The following TMEM132D variants were observed in gnomAD, a reference collection of about 807,000 sequenced individuals.
TMEM132D encodes the protein transmembrane protein 132D.
TMEM132D carries 21 observed loss-of-function variants against 62.3 expected under a neutral mutation model. That is an observed-to-expected ratio of 0.34 (90% CI 0.24 to 0.49). The LOEUF (loss-of-function observed/expected upper bound fraction) is 0.49, where lower values mean the gene tolerates loss of function less well. TMEM132D is among the 20% of genes least tolerant of loss of function. The pLI, the probability that TMEM132D is intolerant of heterozygous loss-of-function variation, is 0.99. For synonymous variants in TMEM132D, 621 were observed against 575.6 expected (o/e 1.08, Z -1.13); for missense variants, 1,346 against 1,402.8 (o/e 0.96, Z 0.65).
At chr12:129,585,481 T>C (rs1877999221) in intron 2 of TMEM132D, among the ~76,000 whole-genome samples, 1 of 152,204 alleles carries the variant, frequency 6.6e-6, no homozygotes, top group Non-Finnish European at 1.5e-5. Context: ...GTTGGCTGCG[T>C]GTGGGCCGCG....
chr12:129,657,212 C>T (rs1389028907), intron 2 of TMEM132D, among the ~76,000 whole-genome samples: 1 of 152,190 alleles, frequency 6.6e-6, no homozygotes, highest in Non-Finnish European at 1.5e-5. Flanking sequence ...GTAACATGTG[C>T]AACATCTGTA....
intron 5 of TMEM132D, among the ~76,000 whole-genome samples, chr12:129,194,065 C>A (rs934184380): frequency 1.3e-5 from 2 of 152,218 alleles, no homozygotes; most frequent in African/African-American, 4.8e-5. Flanking sequence ...TCATGGTTTG[C>A]TTTCATTACC....
At chr12:129,549,921 T>C (rs914837653) in intron 2 of TMEM132D, among the ~76,000 whole-genome samples, 5 of 152,296 alleles carry the variant, frequency 3.3e-5, no homozygotes, top group Admixed American at 3.3e-4. Flanking sequence ...GAAGTAAACA[T>C]TGTCGGCCTC....
rs568183899 is a variant in TMEM132D at position 129,654,476 on chromosome 12, A to C, written c.968+45334T>G. Among the ~76,000 whole-genome samples the C allele has an allele frequency of 5.9e-5, 9 of 152,294 alleles. No homozygotes were observed. In the South Asian group the frequency reaches 1.7e-3, roughly 28 times the overall value. On this transcript the variant is annotated intron_variant, in intron 2 of 8. Coordinates refer to ENST00000422113, the MANE Select transcript of TMEM132D (RefSeq NM_133448.3). ...AAATAGATCTATGCTTTGTACATGAAAAGAGTAAGATTTTCTTCCCCCCTA... is the reference window on the plus strand; with the variant it reads ...AAATAGATCTATGCTTTGTACATGACAAGAGTAAGATTTTCTTCCCCCCTA...
intron 4 of TMEM132D, among the ~76,000 whole-genome samples, chr12:129,246,775 AAAAAGAT>A (rs958234266): frequency 5.9e-5 from 9 of 151,588 alleles, no homozygotes; most frequent in Non-Finnish European, 1.3e-4. Context: ...CAAAAAAAAA[AAAAAGAT>A]AGAAAGTAGG....
At chr12:129,807,665 G>T (rs1386933987) in intron 1 of TMEM132D, among the ~76,000 whole-genome samples, 1 of 152,128 alleles carries the variant, frequency 6.6e-6, no homozygotes, top group Non-Finnish European at 1.5e-5. Flanking sequence ...GACTCTCCTT[G>T]TCTTCTACCT....
chr12:129,239,209 T>C (rs1305224484), intron 4 of TMEM132D, among the ~76,000 whole-genome samples: 1 of 152,204 alleles, frequency 6.6e-6, no homozygotes, highest in Non-Finnish European at 1.5e-5. Flanking sequence ...GAGCTGTAGT[T>C]GGAGGAATTA....
intron 5 of TMEM132D, among the ~76,000 whole-genome samples, chr12:129,181,794 T>G (rs1878073059): frequency 6.6e-6 from 1 of 152,252 alleles, no homozygotes; most frequent in African/African-American, 2.4e-5. Flanking sequence ...ATATTTTTCT[T>G]GATCTTCCTC....
chr12:129,615,790 CAAAACAAAAT>C (rs1189879450), intron 2 of TMEM132D, among the ~76,000 whole-genome samples: 48 of 138,406 alleles, frequency 3.5e-4, no homozygotes, highest in East Asian at 2.5e-3. Flanking sequence ...CAAAACAAAA[CAAAACAAAAT>C]AAAATAAAAT....
chr12:129,605,620 TATACAC>T (rs1159781865), intron 2 of TMEM132D, among the ~76,000 whole-genome samples: 6 of 111,352 alleles, frequency 5.4e-5, no homozygotes, highest in Non-Finnish European at 7.6e-5. Flanking sequence ...CACATATATA[TATACAC>T]ACACACACAC....
At chr12:129,188,343 A>G (rs945899409) in intron 5 of TMEM132D, among the ~76,000 whole-genome samples, 3 of 152,190 alleles carry the variant, frequency 2.0e-5, no homozygotes, top group African/African-American at 7.2e-5. Flanking sequence ...CAACGTATGC[A>G]TGAGGACTTC....
intron 2 of TMEM132D, among the ~76,000 whole-genome samples, chr12:129,657,233 T>C (rs1880110635): frequency 6.6e-6 from 1 of 152,238 alleles, no homozygotes; most frequent in Non-Finnish European, 1.5e-5. Flanking sequence ...CAGGAAATGA[T>C]GTCTCCACTG....
chr12:129,463,726 T>A (rs1039345587), intron 3 of TMEM132D, among the ~76,000 whole-genome samples: 1 of 151,814 alleles, frequency 6.6e-6, no homozygotes, highest in African/African-American at 2.4e-5. Flanking sequence ...CATGCGGTGT[T>A]CGGTTTTTTG....
At chr12:129,249,934 C>A (rs778304134) in intron 4 of TMEM132D, among the ~76,000 whole-genome samples, 1 of 152,070 alleles carries the variant, frequency 6.6e-6, no homozygotes, top group Non-Finnish European at 1.5e-5. Flanking sequence ...GGCCCCGTGA[C>A]CTTAAAGGGC....
chr12:129,770,182 C>CACTCA (rs1375934366), intron 1 of TMEM132D, among the ~76,000 whole-genome samples: 2 of 108,982 alleles, frequency 1.8e-5, no homozygotes, highest in African/African-American at 6.9e-5. Flanking sequence ...CTTTCTCTGT[C>CACTCA]ACTCAGGCTG....
At chr12:129,418,611 G>A (rs1006852359) in intron 3 of TMEM132D, among the ~76,000 whole-genome samples, 2 of 152,078 alleles carry the variant, frequency 1.3e-5, no homozygotes, top group Admixed American at 6.5e-5. Flanking sequence ...CCTAATGCAT[G>A]TGGGGCTTAA....
chr12:129,903,479 T>A lies in TMEM132D; in HGVS notation c.-140A>T. On this transcript the variant is annotated 5_prime_UTR_variant, in exon 1 of 9. Transcript: ENST00000422113. This position sits in a 1 kb window ranked among gnomAD's most constrained non-coding sequence, Gnocchi z 6.2. Reference sequence around the variant, plus strand: ...AGGGGCCCGAGCAGCCCGGGCGCCCTGCTCCCTCTTCCCGCCAGTCCATGG... The same window carrying A: ...AGGGGCCCGAGCAGCCCGGGCGCCCAGCTCCCTCTTCCCGCCAGTCCATGG... 1 of 818,378 alleles carries A rather than the reference T, an allele frequency of 1.2e-6. No homozygotes were observed. Among genetic ancestry groups the A allele is most frequent in the Non-Finnish European group, 1.9e-6 (1 of 522,172 alleles). 50.7% of individuals were successfully genotyped at this position (818,378 alleles called of 1,614,324 possible). A position where few individuals can be genotyped will look rare whatever the true frequency, so the allele number is the denominator to read the frequency against.
At chr12:129,301,198 GA>G (rs1211232499) in intron 4 of TMEM132D, among the ~76,000 whole-genome samples, 1 of 152,100 alleles carries the variant, frequency 6.6e-6, no homozygotes, top group African/African-American at 2.4e-5. Context: ...CTCTCCCATT[GA>G]AAAAACTTCC....
intron 3 of TMEM132D, among the ~76,000 whole-genome samples, chr12:129,454,544 T>C (rs1048032781): frequency 6.6e-6 from 1 of 152,214 alleles, no homozygotes; most frequent in Non-Finnish European, 1.5e-5. Context: ...CAAGACACAA[T>C]GATACTTTAC....
Sources: allele counts gnomAD v4.1 joint callset (sites outside exome capture counted in the v4.1 genomes callset), GRCh38; gene constraint gnomAD v4.1.1; non-coding constraint Gnocchi (gnomAD v3.1); transcripts MANE v1.5; gene names NCBI Gene and HGNC (gene_info 2026-07-23, HGNC 2026-07-21).